Variants in DENND2B observed in about 807,000 individuals in gnomAD.
DENND2B encodes the protein DENN domain containing 2B, also known as DENN domain-containing protein 2B.
In DENND2B, 32 loss-of-function variants were observed where a neutral mutation model predicts 116.0. The ratio of observed to expected loss-of-function variants is 0.28; its 90% confidence interval spans 0.21 to 0.37. DENND2B has a LOEUF of 0.37. DENND2B is among the 10% of genes least tolerant of loss of function. The pLI, the probability that DENND2B is intolerant of heterozygous loss-of-function variation, is 1.00. For missense variants in DENND2B, 1,276 were observed against 1,477.7 expected (o/e 0.86, Z 2.24); for synonymous variants, 588 against 583.9 (o/e 1.01, Z -0.10).
chr11:8,720,263 CCTT>C (rs2045929287), intron 4 of DENND2B, among the ~76,000 whole-genome samples: 1 of 152,106 alleles, frequency 6.6e-6, no homozygotes, highest in South Asian at 2.1e-4. Context: ...ATCCTTCCCT[CCTT>C]CACCTCACTC....
At chr11:8,896,737 T>C (rs1353061415) in intron 1 of DENND2B, among the ~76,000 whole-genome samples, 1 of 152,244 alleles carries the variant, frequency 6.6e-6, no homozygotes, top group African/African-American at 2.4e-5. Context: ...GGCTTTGTGT[T>C]AGATGATTTT....
intron 4 of DENND2B, among the ~76,000 whole-genome samples, chr11:8,838,567 C>G (rs1411455156): frequency 6.6e-5 from 10 of 152,138 alleles, no homozygotes. Flanking sequence ...TGACCTATGC[C>G]AGAGAGGAAA....
chr11:8,756,955 C>T, intron 1 of DENND2B: 1 of 450,836 alleles, frequency 2.2e-6, no homozygotes, highest in Non-Finnish European at 4.4e-6. Context: ...CATATACCAT[C>T]CATCCAAAGT....
intron 2 of DENND2B, among the ~76,000 whole-genome samples, chr11:8,749,320 G>C (rs534082005): frequency 9.2e-5 from 14 of 152,334 alleles, no homozygotes; most frequent in African/African-American, 3.4e-4. Context: ...CTCAGTACAG[G>C]GAAGCTGGTA....
At chr11:8,839,926 C>T (rs2062567816) in intron 3 of DENND2B, among the ~76,000 whole-genome samples, 1 of 152,100 alleles carries the variant, frequency 6.6e-6, no homozygotes, top group South Asian at 2.1e-4. Context: ...AGATGAATTG[C>T]TTCCTGATTA....
Position 8,715,777 on chromosome 11 carries a change from G to T in DENND2B, c.1671C>A (p.Asn557Lys). ...GCCGGTGGCTCTTCCTTTCTGACCA[G>T]TTCCCACTGCGCAGGGACTGGCTGT... ...KPNSQSLRSG[N>K]WSERKSHRLP... The change falls in exon 6 of 20, where the codon AAC becomes AAA. Residue 557 changes from asparagine (N) to lysine (K), a missense_variant. By Grantham distance (94) the Asn-to-Lys change is moderately conservative (BLOSUM62 0). Coordinates refer to ENST00000313726, the MANE Select transcript of DENND2B (RefSeq NM_213618.2). 1 of 1,612,886 alleles carries T rather than the reference G, an allele frequency of 6.2e-7. No homozygotes were observed. The highest frequency in any genetic ancestry group is 8.5e-7 in the Non-Finnish European group (1 of 1,178,984).
chr11:8,772,379 G>A (rs2057042503), intron 1 of DENND2B, among the ~76,000 whole-genome samples: 1 of 152,052 alleles, frequency 6.6e-6, no homozygotes, highest in Admixed American at 6.6e-5. Flanking sequence ...GGGTGGCCCT[G>A]ACTTGTGATT....
intron 1 of DENND2B, among the ~76,000 whole-genome samples, chr11:8,893,634 A>G (rs1200903983): frequency 1.3e-5 from 2 of 152,126 alleles, no homozygotes; most frequent in Non-Finnish European, 2.9e-5. Flanking sequence ...TCATGAGTGA[A>G]CTCCCATTCA....
chr11:8,724,506 C>T (rs1162211988), intron 4 of DENND2B, among the ~76,000 whole-genome samples: 1 of 152,236 alleles, frequency 6.6e-6, no homozygotes, highest in Non-Finnish European at 1.5e-5. Flanking sequence ...GCACACTTCA[C>T]TTGGGCAGAA....
chr11:8,810,681 G>A (rs1037024883), upstream of DENND2B: 2 of 152,318 alleles, frequency 1.3e-5, no homozygotes, highest in Non-Finnish European at 2.9e-5. Flanking sequence ...AGTGAGCAGA[G>A]CACTGCTAGC....
rs1481821636 is a variant in DENND2B, at chr11:8,707,088, A to G, written c.2568T>C (p.Asn856=). 1 of 1,612,858 alleles carries G rather than the reference A, an allele frequency of 6.2e-7. No individual in the cohort carries two copies. Among genetic ancestry groups the G allele is most frequent in the Admixed American group, 1.7e-5 (1 of 59,896 alleles). The stretch of plus-strand genomic sequence containing the variant: ...AAGAGGGTGCAGAAATCCCTACCTC[A>G]TTGCCAGCACCTGGCAGGAATGTCT... The part of the protein sequence containing the change: ...KVKTFLPGAG[N]EVLELRRPMD... The change falls in exon 13 of 20, where the codon AAT becomes AAC. Residue 856 remains asparagine (N), a synonymous_variant. Transcript: ENST00000313726. This position sits in a 1 kb window ranked among gnomAD's most constrained non-coding sequence, Gnocchi z 4.8.
At chr11:8,787,898 A>G (rs947428555) in intron 1 of DENND2B, among the ~76,000 whole-genome samples, 1 of 152,198 alleles carries the variant, frequency 6.6e-6, no homozygotes, top group Non-Finnish European at 1.5e-5. Context: ...AAACTCTGAC[A>G]CCTACAATGT....
chr11:8,733,381 T>A (rs2048429127), intron 2 of DENND2B, among the ~76,000 whole-genome samples: 1 of 152,224 alleles, frequency 6.6e-6, no homozygotes, highest in Non-Finnish European at 1.5e-5. Context: ...AAGATGCATT[T>A]GACAGAGGAC....
intron 1 of DENND2B, among the ~76,000 whole-genome samples, chr11:8,790,381 C>T (rs774483823): frequency 1.3e-5 from 2 of 152,140 alleles, no homozygotes; most frequent in Non-Finnish European, 2.9e-5. Flanking sequence ...AAGGTAAGTG[C>T]TATATGTCTG....
chr11:8,752,755 C>T (rs2052772504), intron 1 of DENND2B, among the ~76,000 whole-genome samples: 1 of 151,888 alleles, frequency 6.6e-6, no homozygotes, highest in African/African-American at 2.4e-5. Flanking sequence ...TATTTTATGC[C>T]AAGTAATAAA....
Position 8,696,680 on chromosome 11 carries a change from G to A in DENND2B, c.3053-14C>T. 3 of 1,612,822 alleles carry A rather than the reference G, an allele frequency of 1.9e-6. No homozygotes were observed. The highest frequency in any genetic ancestry group is 2.5e-6 in the Non-Finnish European group (3 of 1,178,990). On this transcript the variant is annotated splice_polypyrimidine_tract_variant and intron_variant, in intron 17 of 19. Coordinates refer to ENST00000313726, the MANE Select transcript of DENND2B (RefSeq NM_213618.2). ...GGGTATTACATTCTGGAAGGGAAAA[G>A]ACAATCTTTGAGGTTCAGGTCAAGA...
At chr11:8,792,262 T>C (rs1307542774) in intron 1 of DENND2B, among the ~76,000 whole-genome samples, 6 of 151,988 alleles carry the variant, frequency 3.9e-5, no homozygotes, top group Non-Finnish European at 8.8e-5. Context: ...TACAGCAAAA[T>C]TAATTACAGT....
intron 1 of DENND2B, among the ~76,000 whole-genome samples, chr11:8,769,258 A>G (rs2134168031): frequency 6.9e-6 from 1 of 144,620 alleles, no homozygotes; most frequent in East Asian, 2.0e-4. Context: ...TTTTTTTGAG[A>G]CAAGAGTCTC....
intron 17 of DENND2B, among the ~76,000 whole-genome samples, chr11:8,696,899 T>A (rs762157062): frequency 2.8e-4 from 42 of 152,212 alleles, no homozygotes; most frequent in Non-Finnish European, 4.7e-4. Context: ...TTCTCCTGCC[T>A]CAGCCTCCCA....
Sources: gnomAD v4.1 joint callset for allele counts (sites outside exome capture counted in the v4.1 genomes callset) on GRCh38, gnomAD v4.1.1 for gene constraint, Gnocchi (gnomAD v3.1) non-coding constraint, MANE v1.5 for transcripts, NCBI Gene and HGNC (gene_info 2026-07-23, HGNC 2026-07-21) for gene names.